The following BCAS3 variants were observed in gnomAD, a reference collection of about 807,000 sequenced individuals.
BCAS3 encodes the protein BCAS4/BCAS3 fusion.
A neutral mutation model predicts 116.1 loss-of-function variants in BCAS3; 53 were observed. The observed-to-expected ratio is 0.46, with a 90% CI of 0.37 to 0.57. The LOEUF (loss-of-function observed/expected upper bound fraction) is 0.57. BCAS3 is among the 20% of genes least tolerant of loss of function. The probability of loss-of-function intolerance (pLI) is 0.00; values close to 1 mark genes in which losing one functional copy is unlikely to be tolerated. For missense variants in BCAS3, 917 were observed against 1,165.4 expected (o/e 0.79, Z 3.10); for synonymous variants, 391 against 408.2 (o/e 0.96, Z 0.51).
chr17:61,295,407 T>G (rs1056610114), intron 22 of BCAS3, among the ~76,000 whole-genome samples: 2 of 152,212 alleles, frequency 1.3e-5, no homozygotes, highest in Non-Finnish European at 2.9e-5. Context: ...CCCCTGTCTC[T>G]GACACTAAAT....
intron 22 of BCAS3, among the ~76,000 whole-genome samples, chr17:61,160,707 C>T (rs1226532720): frequency 3.3e-5 from 5 of 152,114 alleles, no homozygotes; most frequent in Non-Finnish European, 7.4e-5. Flanking sequence ...CATGGTCTTA[C>T]TACTGATTAT....
At chr17:60,865,677 A>G (rs1008395207) in intron 7 of BCAS3, among the ~76,000 whole-genome samples, 1 of 152,204 alleles carries the variant, frequency 6.6e-6, no homozygotes, top group African/African-American at 2.4e-5. Context: ...TATGTAGATA[A>G]TGTTATCTAT....
In BCAS3 at chr17:61,004,590, A is replaced by T. The variant is rs6504013; in HGVS notation, c.1487-11161A>T. 0.052 allele frequency among the ~76,000 whole-genome samples: 7,959 copies of T among 152,178 alleles called. 742 individuals are homozygous for T. Among genetic ancestry groups the T allele is most frequent in the African/African-American group, 0.18 (7,510 of 41,470 alleles). ...GTAAACTACAAAAGGACAACAAGACAGGGATCAGGGCTATACCAGGATTAT... is the reference window on the plus strand; with the variant it reads ...GTAAACTACAAAAGGACAACAAGACTGGGATCAGGGCTATACCAGGATTAT... On this transcript the variant is annotated intron_variant, in intron 15 of 23. Transcript: ENST00000407086. The surrounding 1 kb of genome is among the most constrained non-coding windows in gnomAD (Gnocchi z 4.8).
rs375793660 is a variant in BCAS3 at position 61,009,918 on chromosome 17, G to A, written c.1487-5833G>A. Among the ~76,000 whole-genome samples the A allele has an allele frequency of 3.3e-5, 5 of 151,980 alleles. No individual in the cohort carries two copies. The Middle Eastern group carries it at 9.5e-3, about 289-fold the overall frequency. On this transcript the variant is annotated intron_variant, in intron 15 of 23. Coordinates refer to ENST00000407086, the MANE Select transcript of BCAS3 (RefSeq NM_017679.5). ...ACATTACCTGGGAGTTGCTGCTGAT[G>A]TCTTTTCCACAAATGTCCAAGTTTG...
In BCAS3 at chr17:61,313,778, G is replaced by A. The variant is rs2054519132; in HGVS notation, c.2426-54549G>A. ...TAATGGTTTGGGTTCCAGGGCACAG[G>A]ATAAAAATATACAACTGGAAAGGCA... On this transcript the variant is annotated intron_variant, in intron 22 of 23. Transcript: ENST00000407086. The surrounding 1 kb of genome is among the most constrained non-coding windows in gnomAD (Gnocchi z 4.3). 6.6e-6 allele frequency among the ~76,000 whole-genome samples: 1 copy of A among 152,190 alleles called. No individual in the cohort carries two copies.
chr17:61,073,944 A>G lies in BCAS3; in HGVS notation c.2030-976A>G, dbSNP rs765381676. 1.6e-4 allele frequency among the ~76,000 whole-genome samples: 24 copies of G among 152,068 alleles called. No homozygotes were observed. Among genetic ancestry groups the G allele is most frequent in the Non-Finnish European group, 1.5e-5 (1 of 68,026 alleles). Reference sequence around the variant, plus strand: ...GTCAACATTGTGAGATCCTGTCTCTACAAGGAAGAAAATATTGGGCAGGCA... The same window carrying G: ...GTCAACATTGTGAGATCCTGTCTCTGCAAGGAAGAAAATATTGGGCAGGCA... On this transcript the variant is annotated intron_variant, in intron 19 of 23. Coordinates refer to ENST00000407086, the MANE Select transcript of BCAS3 (RefSeq NM_017679.5). This position sits in a 1 kb window ranked among gnomAD's most constrained non-coding sequence, Gnocchi z 4.6.
At chr17:60,809,247 T>C (rs1568298354) in intron 7 of BCAS3, among the ~76,000 whole-genome samples, 1 of 144,958 alleles carries the variant, frequency 6.9e-6, no homozygotes, top group East Asian at 2.0e-4. Context: ...TACTCCAGCC[T>C]GGGCAACAGT....
rs2143852531 is a variant in BCAS3, at chr17:61,128,679, C to G, written c.2425+44115C>G. On this transcript the variant is annotated intron_variant, in intron 22 of 23. Coordinates refer to ENST00000407086, the MANE Select transcript of BCAS3 (RefSeq NM_017679.5). The surrounding 1 kb of genome is among the most constrained non-coding windows in gnomAD (Gnocchi z 4.1). ...TTGTATTGTTTCTGCATCGTCCTGT[C>G]AAACATCTGGAAACCAGCATATTGG... is the stretch of plus-strand genomic sequence containing the variant. 1.2e-6 allele frequency: 1 copy of G among 847,770 alleles called. No homozygotes were observed. Among genetic ancestry groups the G allele is most frequent in the Non-Finnish European group, 1.4e-6 (1 of 704,680 alleles). 52.5% of individuals were successfully genotyped at this position (847,770 alleles called of 1,614,324 possible). A position where few individuals can be genotyped will look rare whatever the true frequency, so the allele number is the denominator to read the frequency against.
chr17:60,785,538 T>C (rs1318426838), intron 6 of BCAS3, among the ~76,000 whole-genome samples: 1 of 152,182 alleles, frequency 6.6e-6, no homozygotes, highest in Admixed American at 6.5e-5. Context: ...TTTACCAGGA[T>C]GTTTATAGTC....
rs542014996 is a variant in BCAS3 at position 61,315,376 on chromosome 17, C to T, written c.2426-52951C>T. Among the ~76,000 whole-genome samples, 4 of 152,292 alleles carry T rather than the reference C, an allele frequency of 2.6e-5. No homozygotes were observed. In the East Asian group the frequency reaches 7.7e-4, roughly 29 times the overall value. On this transcript the variant is annotated intron_variant, in intron 22 of 23. Transcript: ENST00000407086. The surrounding 1 kb of genome is among the most constrained non-coding windows in gnomAD (Gnocchi z 5.3). ...TCAGGTGATCCGGCCGCCTCAGCCT[C>T]CCAAAGTGCTGGGATTACAGGTGTG... is the stretch of plus-strand genomic sequence containing the variant.
At chr17:61,025,914 A>G (rs1470837473) in intron 16 of BCAS3, among the ~76,000 whole-genome samples, 1 of 152,104 alleles carries the variant, frequency 6.6e-6, no homozygotes, top group African/African-American at 2.4e-5. Flanking sequence ...AATTAAGGCT[A>G]ATCAGCAGGA....
chr17:61,171,325 A>C lies in BCAS3; in HGVS notation c.2425+86761A>C, dbSNP rs577383141. On this transcript the variant is annotated intron_variant, in intron 22 of 23. Transcript: ENST00000407086. The surrounding 1 kb of genome is among the most constrained non-coding windows in gnomAD (Gnocchi z 4.1). ...CAAATGAGATAAAAATGGCATCCTA[A>C]AAATATTCAGTAGATCCAAAACAAC... Among the ~76,000 whole-genome samples the C allele has an allele frequency of 1.1e-4, 17 of 151,908 alleles. No homozygotes were observed. In the South Asian group the frequency reaches 3.4e-3, roughly 30 times the overall value.
chr17:60,756,382 T>C (rs906170967), intron 6 of BCAS3, among the ~76,000 whole-genome samples: 1 of 152,176 alleles, frequency 6.6e-6, no homozygotes, highest in African/African-American at 2.4e-5. Flanking sequence ...TCTAACTGTG[T>C]GTTTGTACCC....
Position 61,020,238 on chromosome 17 carries a change from T to G in BCAS3, c.1637+4337T>G, listed in dbSNP as rs546320580. Among the ~76,000 whole-genome samples the G allele has an allele frequency of 2.6e-3, 403 of 152,334 alleles. 3 individuals carry two copies. Among genetic ancestry groups the G allele is most frequent in the Middle Eastern group, 0.024 (7 of 294 alleles). On this transcript the variant is annotated intron_variant, in intron 16 of 23. Transcript: ENST00000407086. The surrounding 1 kb of genome is among the most constrained non-coding windows in gnomAD (Gnocchi z 4.5). ...ACGTGTGTTTACCATATTCAACATC[T>G]GCCTTCTTATGTTTGCAAATACATA...
intron 22 of BCAS3, among the ~76,000 whole-genome samples, chr17:61,274,454 A>G (rs184185678): frequency 5.2e-4 from 79 of 151,786 alleles, no homozygotes; most frequent in African/African-American, 1.3e-3. Flanking sequence ...ACACCTGCCT[A>G]ATTTTTGTAT....
intron 19 of BCAS3, among the ~76,000 whole-genome samples, chr17:61,062,830 A>AT (rs1049102123): frequency 1.3e-4 from 20 of 152,086 alleles, no homozygotes; most frequent in African/African-American, 2.2e-4. Flanking sequence ...CCCTTTAATG[A>AT]TTTTTTTTAA....
chr17:60,846,624 A>AAT (rs1271171933), intron 7 of BCAS3, among the ~76,000 whole-genome samples: 1 of 152,004 alleles, frequency 6.6e-6, no homozygotes, highest in Non-Finnish European at 1.5e-5. Context: ...TCTGTTGTTC[A>AAT]ATATATATAC....
intron 22 of BCAS3, among the ~76,000 whole-genome samples, chr17:61,092,899 CTT>C (rs959718467): frequency 1.4e-3 from 113 of 79,516 alleles, no homozygotes; most frequent in East Asian, 7.8e-3. Context: ...TTTGTCCAGT[CTT>C]TTTTTTTTTT....
chr17:61,147,724 C>T (rs1019295053), intron 22 of BCAS3, among the ~76,000 whole-genome samples: 10 of 152,030 alleles, frequency 6.6e-5, no homozygotes, highest in South Asian at 4.1e-4. Flanking sequence ...CCGTGGCTCA[C>T]GCCTGTAATC....
Sources: gnomAD v4.1 joint callset for allele counts (sites outside exome capture counted in the v4.1 genomes callset) on GRCh38, gnomAD v4.1.1 for gene constraint, Gnocchi (gnomAD v3.1) non-coding constraint, MANE v1.5 for transcripts, NCBI Gene and HGNC (gene_info 2026-07-23, HGNC 2026-07-21) for gene names.